Variants in DEGS2 observed in about 807,000 individuals in gnomAD.
The protein encoded by DEGS2 is delta 4-desaturase, sphingolipid 2, also known as sphingolipid delta(4)-desaturase/C4-monooxygenase DES2.
Under a neutral mutation model 23.8 loss-of-function variants are expected in DEGS2, and 19 were observed. That is an observed-to-expected ratio of 0.80 (90% CI 0.56 to 1.17). The LOEUF (loss-of-function observed/expected upper bound fraction) is 1.17. Among genes scored for constraint, DEGS2 ranks in the 50% most tolerant of loss-of-function variants. The pLI, the probability that DEGS2 is intolerant of heterozygous loss-of-function variation, is 0.00. For synonymous variants in DEGS2, 218 were observed against 213.7 expected (o/e 1.02, Z -0.18); for missense variants, 390 against 459.5 (o/e 0.85, Z 1.38).
rs185569102 is a variant in DEGS2 at position 100,144,493 on chromosome 14, C to G, written c.*2268G>C. On this transcript the variant is annotated 3_prime_UTR_variant, in exon 3 of 3. Coordinates refer to ENST00000305631, the MANE Select transcript of DEGS2 (RefSeq NM_206918.3). Reference sequence around the variant, plus strand: ...GTCCCTCAAGTGCAACCCACACCCCCGAACCTCAGAGGACTCCACGTGCAT... The same window carrying G: ...GTCCCTCAAGTGCAACCCACACCCCGGAACCTCAGAGGACTCCACGTGCAT... 1 of 152,358 alleles carries G rather than the reference C, an allele frequency of 6.6e-6. No homozygotes were observed. 9.4% of individuals were successfully genotyped at this position (152,358 alleles called of 1,614,324 possible).
intron 2 of DEGS2, 23 bp from the exon 3 acceptor site, chr14:100,146,930 C>T (rs1889457042): frequency 1.2e-6 from 2 of 1,605,046 alleles, no homozygotes; most frequent in Non-Finnish European, 1.7e-6. Context: ...GGGCGGGGCT[C>T]AGGGGCTGGT....
At chr14:100,152,899 T>TGGAA (rs1889596676) in intron 1 of DEGS2, among the ~76,000 whole-genome samples, 1 of 143,132 alleles carries the variant, frequency 7.0e-6, no homozygotes, top group African/African-American at 2.6e-5. Flanking sequence ...GATGGATGGA[T>TGGAA]GGAAGGAAAG....
At chr14:100,166,830 A>G in the DEGS2 span, among the ~76,000 whole-genome samples, 1 of 152,188 alleles carries the variant, frequency 6.6e-6, no homozygotes. Context: ...GCTTTGCTTA[A>G]AAAAGAAGGA....
upstream of DEGS2, among the ~76,000 whole-genome samples, chr14:100,163,170 G>C (rs190414463): frequency 5.5e-4 from 84 of 152,228 alleles, no homozygotes; most frequent in Non-Finnish European, 1.0e-3. Context: ...AGCCGGGCGA[G>C]GTGGCTCACG....
the DEGS2 span, among the ~76,000 whole-genome samples, chr14:100,166,162 T>C: frequency 9.6e-4 from 19 of 19,742 alleles, no homozygotes; most frequent in South Asian, 0.03. Flanking sequence ...GGAGCCTGTC[T>C]GGGGGAGTGG....
rs763686442 is a variant in DEGS2, at chr14:100,149,771, C to T, written c.83-61G>A. On this transcript the variant is annotated intron_variant, in intron 1 of 2. Coordinates refer to ENST00000305631, the MANE Select transcript of DEGS2 (RefSeq NM_206918.3). ...GGTGGGGCTGCACCCCGCCCTCCTC[C>T]GCTCCCACTGCAGTGGCCGAGGGGT... 860 of 1,508,118 alleles carry T rather than the reference C, an allele frequency of 5.7e-4. 8 individuals carry two copies. The Middle Eastern group carries it at 0.017, about 30-fold the overall frequency. 93.4% of individuals were successfully genotyped at this position (1,508,118 alleles called of 1,614,324 possible).
chr14:100,146,936 C>T (rs750297037), intron 2 of DEGS2, 29 bp from the exon 3 acceptor site: 3 of 1,601,608 alleles, frequency 1.9e-6, no homozygotes, highest in South Asian at 1.1e-5. Context: ...GGCTCAGGGG[C>T]TGGTTCTCCT....
chr14:100,147,260 C>T (rs1307583639), intron 2 of DEGS2, among the ~76,000 whole-genome samples: 5 of 152,178 alleles, frequency 3.3e-5, no homozygotes, highest in Admixed American at 2.6e-4. Context: ...CAGCTCAGAG[C>T]GCCTGCCCCA....
intron 1 of DEGS2, among the ~76,000 whole-genome samples, chr14:100,151,011 G>C (rs989971043): frequency 6.6e-6 from 1 of 152,084 alleles, no homozygotes; most frequent in Non-Finnish European, 1.5e-5. Flanking sequence ...CCCTCTGAGT[G>C]GACTCTGGGC....
In DEGS2 at chr14:100,143,994, A is replaced by T; in HGVS notation, c.*2767T>A. The T allele has an allele frequency of 1.9e-6, 1 of 531,228 alleles. No homozygotes were observed. The allele number at this position is 531,228 out of a possible 1,614,324, so 32.9% of individuals were successfully genotyped here. A position where few individuals can be genotyped will look rare whatever the true frequency, so the allele number is the denominator to read the frequency against. On this transcript the variant is annotated 3_prime_UTR_variant, in exon 3 of 3. Coordinates refer to ENST00000305631, the MANE Select transcript of DEGS2 (RefSeq NM_206918.3). ...TGTTTTATATTTGCTTATTTAAGGTACATTTCTTTGGGTTTCTAGAGACGC... is the reference window on the plus strand; with the variant it reads ...TGTTTTATATTTGCTTATTTAAGGTTCATTTCTTTGGGTTTCTAGAGACGC...
At position 100,146,794 on chromosome 14, in the gene DEGS2, C is replaced by T. The variant is rs777123175; in HGVS notation, c.939G>A (p.Lys313=). The T allele has an allele frequency of 6.2e-7, 1 of 1,613,848 alleles. No individual in the cohort carries two copies. Among genetic ancestry groups the T allele is most frequent in the South Asian group, 1.1e-5 (1 of 91,088 alleles). ...EDSLGPYARV[K]RVYRLAKDGL is the part of the protein sequence containing the mutation. Reference sequence around the variant, plus strand: ...CATCTTTTGCCAGCCTGTACACCCGCTTCACCCTGGCATAGGGCCCCAGGG... The same window carrying T: ...CATCTTTTGCCAGCCTGTACACCCGTTTCACCCTGGCATAGGGCCCCAGGG... The change falls in exon 3 of 3, where the codon AAG becomes AAA. Residue 313 remains lysine (K), a synonymous_variant. Coordinates refer to ENST00000305631, the MANE Select transcript of DEGS2 (RefSeq NM_206918.3).
chr14:100,153,901 G>C (rs981034395), intron 1 of DEGS2, among the ~76,000 whole-genome samples: 14 of 152,186 alleles, frequency 9.2e-5, no homozygotes, highest in Admixed American at 5.2e-4. Flanking sequence ...GGTCAAGGGA[G>C]GTGCAAAGAA....
chr14:100,157,189 C>G (rs180674031), intron 1 of DEGS2, among the ~76,000 whole-genome samples: 1 of 152,200 alleles, frequency 6.6e-6, no homozygotes, highest in Admixed American at 6.5e-5. Context: ...CCTGGTAGGA[C>G]GACTGCCCGT....
intron 2 of DEGS2, among the ~76,000 whole-genome samples, chr14:100,147,338 GCT>G (rs911411143): frequency 5.9e-5 from 9 of 152,236 alleles, no homozygotes; most frequent in African/African-American, 2.2e-4. Flanking sequence ...AGACCCCACT[GCT>G]CGGGGGAGTT....
At chr14:100,150,629 T>C (rs575634988) in intron 1 of DEGS2, among the ~76,000 whole-genome samples, 1 of 151,042 alleles carries the variant, frequency 6.6e-6, no homozygotes, top group East Asian at 1.9e-4. Context: ...CCTTGGAGAA[T>C]GGGCCTCACT....
In DEGS2 at chr14:100,146,580, C is replaced by T. The variant is rs746485387; in HGVS notation, c.*181G>A. 6 of 847,934 alleles carry T rather than the reference C, an allele frequency of 7.1e-6. No homozygotes were observed. The highest frequency in any genetic ancestry group is 1.7e-5 in the South Asian group (1 of 57,994). 52.5% of individuals were successfully genotyped at this position (847,934 alleles called of 1,614,324 possible). A position where few individuals can be genotyped will look rare whatever the true frequency, so the allele number is the denominator to read the frequency against. ...GCCACACTCAAGGTCCAGGGCAAGTCCACGTGCAGACGGAGCCCTGCAGCC... is the reference window on the plus strand; with the variant it reads ...GCCACACTCAAGGTCCAGGGCAAGTTCACGTGCAGACGGAGCCCTGCAGCC... On this transcript the variant is annotated 3_prime_UTR_variant, in exon 3 of 3. Transcript: ENST00000305631.
At chr14:100,164,180 G>C (rs544311923), upstream of DEGS2, among the ~76,000 whole-genome samples, 1 of 152,024 alleles carries the variant, frequency 6.6e-6, no homozygotes, top group African/African-American at 2.4e-5. Flanking sequence ...CACTCTTCCT[G>C]CCTCGGCCTC....
chr14:100,157,244 C>T (rs1265131241), intron 1 of DEGS2, among the ~76,000 whole-genome samples: 1 of 152,242 alleles, frequency 6.6e-6, no homozygotes, highest in Non-Finnish European at 1.5e-5. Flanking sequence ...GTGTCTGGAT[C>T]CCTCCAGGTG....
the DEGS2 span, among the ~76,000 whole-genome samples, chr14:100,166,661 C>T: frequency 2.0e-5 from 3 of 152,218 alleles, no homozygotes; most frequent in East Asian, 3.9e-4. Context: ...TCTCCCGCAG[C>T]GGCTGCAGAG....
Sources: allele counts gnomAD v4.1 joint callset (sites outside exome capture counted in the v4.1 genomes callset), GRCh38; gene constraint gnomAD v4.1.1; transcripts MANE v1.5; gene names NCBI Gene and HGNC (gene_info 2026-07-23, HGNC 2026-07-21).